The following CALN1 variants were observed in gnomAD, a reference collection of about 807,000 sequenced individuals.
The protein encoded by CALN1 is calneuron 1.
Under a neutral mutation model 30.6 loss-of-function variants are expected in CALN1, and 17 were observed. That is an observed-to-expected ratio of 0.56 (90% CI 0.38 to 0.83). The LOEUF (loss-of-function observed/expected upper bound fraction) is 0.83, where lower values mean the gene tolerates loss of function less well. Ranked by LOEUF, CALN1 falls within the 40% of genes least tolerant of loss-of-function variation. The pLI, the probability that CALN1 is intolerant of heterozygous loss-of-function variation, is 0.00. For synonymous variants in CALN1, 156 were observed against 131.4 expected (o/e 1.19, Z -1.28); for missense variants, 291 against 354.9 (o/e 0.82, Z 1.45).
chr7:71,793,651 C>T (rs10241420), intron 6 of CALN1, among the ~76,000 whole-genome samples: 18,318 of 152,088 alleles, frequency 0.12, 1,344 homozygotes, highest in East Asian at 0.24. Flanking sequence ...GTGGGTGGAT[C>T]GCCTGAGGTT....
Position 72,403,129 on chromosome 7 carries a change from CA to C in CALN1, c.119+121del, listed in dbSNP as rs1030738024. On this transcript the variant is annotated intron_variant, in intron 2 of 6. Transcript: ENST00000395275. ...GGACAGCTCTCCCAGGTGTCCATTT[CA>C]TAGATTCTCCTCTCCAGCCTAGACA... The C allele has an allele frequency of 2.7e-5, 18 of 672,308 alleles. No homozygotes were observed. In the African/African-American group the frequency reaches 2.9e-4, roughly 11 times the overall value. 41.6% of individuals were successfully genotyped at this position (672,308 alleles called of 1,614,324 possible). A position where few individuals can be genotyped will look rare whatever the true frequency, so the allele number is the denominator to read the frequency against.
intron 4 of CALN1, among the ~76,000 whole-genome samples, chr7:72,046,701 C>G (rs942733241): frequency 1.7e-5 from 2 of 117,302 alleles, no homozygotes; most frequent in African/African-American, 6.9e-5. Flanking sequence ...CAGAGCGAGA[C>G]TCCCTCTTAA....
intron 4 of CALN1, among the ~76,000 whole-genome samples, chr7:72,029,196 A>C (rs531730958): frequency 3.8e-4 from 58 of 151,296 alleles, no homozygotes; most frequent in Non-Finnish European, 7.5e-4. Flanking sequence ...GCACGATCTC[A>C]GCTCACTGCA....
chr7:72,193,861 G>A (rs887708385), intron 3 of CALN1, among the ~76,000 whole-genome samples: 1 of 152,114 alleles, frequency 6.6e-6, no homozygotes, highest in Admixed American at 6.6e-5. Context: ...ACTCAGGGAT[G>A]GAAAATGATA....
At chr7:72,406,735 G>A (rs953652931) in intron 1 of CALN1, among the ~76,000 whole-genome samples, 1 of 151,470 alleles carries the variant, frequency 6.6e-6, no homozygotes, top group Non-Finnish European at 1.5e-5. Context: ...TCCTGCCTCA[G>A]CCTCCCAAAT....
chr7:72,251,724 A>G (rs1049617540), intron 3 of CALN1, among the ~76,000 whole-genome samples: 12 of 152,144 alleles, frequency 7.9e-5, no homozygotes, highest in Non-Finnish European at 1.6e-4. Context: ...TGTTTATGGC[A>G]TCTAATAGAT....
intron 5 of CALN1, among the ~76,000 whole-genome samples, chr7:71,917,341 G>A (rs1163492888): frequency 2.6e-5 from 4 of 152,108 alleles, no homozygotes; most frequent in Non-Finnish European, 4.4e-5. Flanking sequence ...TGTTCTAGAG[G>A]TCTAATATAC....
chr7:72,375,719 C>G (rs1804518401), intron 2 of CALN1, among the ~76,000 whole-genome samples: 1 of 152,106 alleles, frequency 6.6e-6, no homozygotes, highest in South Asian at 2.1e-4. Flanking sequence ...TGGCCTCAAG[C>G]AATCCTCCTG....
Position 71,847,743 on chromosome 7 carries a change from G to GAAGAAGA in CALN1, c.502-37258_502-37252dup, listed in dbSNP as rs1554353589. The stretch of plus-strand genomic sequence containing the variant: ...AGAAGAAGAAAGAAGAAAGAAGAAA[G>GAAGAAGA]AAGAAGAAAGAAGAAAGAAGAAGAA... On this transcript the variant is annotated intron_variant, in intron 5 of 6. Transcript: ENST00000395275. Among the ~76,000 whole-genome samples the GAAGAAGA allele has an allele frequency of 1.4e-3, 135 of 94,578 alleles. 1 individual carries two copies. The highest frequency in any genetic ancestry group is 0.011 in the South Asian group (25 of 2,278). The allele number at this position is 94,578 out of a possible 152,430, so 62.0% of individuals were successfully genotyped here.
At position 72,300,415 on chromosome 7, in the gene CALN1, C is replaced by CA. The variant is rs200880724; in HGVS notation, c.120-21606dup. 4.4e-3 allele frequency among the ~76,000 whole-genome samples: 628 copies of CA among 143,588 alleles called. 3 individuals are homozygous for CA. Among genetic ancestry groups the CA allele is most frequent in the Middle Eastern group, 0.032 (9 of 278 alleles). The allele number at this position is 143,588 out of a possible 152,430, so 94.2% of individuals were successfully genotyped here. ...GCGTTGTATTTTTAATGAACAACAA[C>CA]AACAAAAAAGATAAAAACAAGAAAA... is the stretch of plus-strand genomic sequence containing the variant. On this transcript the variant is annotated intron_variant, in intron 2 of 6. Transcript: ENST00000395275.
At chr7:72,065,076 T>G (rs1803922673) in intron 4 of CALN1, among the ~76,000 whole-genome samples, 1 of 148,408 alleles carries the variant, frequency 6.7e-6, no homozygotes. Context: ...TAAAATATAT[T>G]TATATGTTAA....
intron 6 of CALN1, among the ~76,000 whole-genome samples, chr7:71,809,152 A>G (rs1028491534): frequency 6.6e-6 from 1 of 152,164 alleles, no homozygotes; most frequent in Non-Finnish European, 1.5e-5. Context: ...TCTGTTTTGC[A>G]ACAGACTCCA....
At chr7:72,402,018 G>A (rs995568940) in intron 2 of CALN1, among the ~76,000 whole-genome samples, 1 of 152,180 alleles carries the variant, frequency 6.6e-6, no homozygotes, top group Non-Finnish European at 1.5e-5. Flanking sequence ...GGATGAGCTG[G>A]GATGGGGAGA....
chr7:72,417,731 A>G lies in CALN1; in HGVS notation c.-225-5456T>C, dbSNP rs1188222557. Among the ~76,000 whole-genome samples the G allele has an allele frequency of 2.6e-5, 4 of 152,194 alleles. No homozygotes were observed. In the South Asian group the frequency reaches 6.2e-4, roughly 24 times the overall value. On this transcript the variant is annotated intron_variant, in intron 1 of 6. Transcript: ENST00000395276. ...AGGTTTTGAGAAAGAAGAGGAGTCC[A>G]TTAGCTCTTCATGTTCATTAGTCAT...
At chr7:72,135,021 A>C (rs532224977) in intron 3 of CALN1, among the ~76,000 whole-genome samples, 4 of 152,338 alleles carry the variant, frequency 2.6e-5, no homozygotes, top group Admixed American at 2.6e-4. Context: ...TAGCTCATCC[A>C]TAAGAAGCAA....
chr7:72,143,812 A>G lies in CALN1; in HGVS notation c.245-37518T>C, dbSNP rs1464752995. 2.6e-5 allele frequency among the ~76,000 whole-genome samples: 4 copies of G among 152,122 alleles called. No homozygotes were observed. In the South Asian group the frequency reaches 6.2e-4, roughly 24 times the overall value. On this transcript the variant is annotated intron_variant, in intron 3 of 6. Coordinates refer to ENST00000395275, the MANE Select transcript of CALN1 (RefSeq NM_031468.4). ...CTCTACAAGCCAGAAGAGAGTGGGG[A>G]CCAATATTCAACATTCTTAAAGAAA...
intron 2 of CALN1, among the ~76,000 whole-genome samples, chr7:72,286,771 T>C (rs1237420716): frequency 6.6e-6 from 1 of 152,212 alleles, no homozygotes; most frequent in Non-Finnish European, 1.5e-5. Flanking sequence ...GTGGTCTGTG[T>C]AAAAGTTCTG....
intron 5 of CALN1, among the ~76,000 whole-genome samples, chr7:71,973,675 T>C (rs1372777854): frequency 6.6e-6 from 1 of 152,202 alleles, no homozygotes; most frequent in African/African-American, 2.4e-5. Context: ...TTAAGAATTT[T>C]AGATTTGGCA....
intron 2 of CALN1, among the ~76,000 whole-genome samples, chr7:72,333,606 G>T (rs1801816712): frequency 6.7e-6 from 1 of 148,952 alleles, no homozygotes; most frequent in African/African-American, 2.5e-5. Context: ...TCTCAATCGT[G>T]AAAGGACATT....
Sources: gnomAD v4.1 joint callset for allele counts (sites outside exome capture counted in the v4.1 genomes callset) on GRCh38, gnomAD v4.1.1 for gene constraint, MANE v1.5 for transcripts, NCBI Gene and HGNC (gene_info 2026-07-23, HGNC 2026-07-21) for gene names.